KCNK13: variants seen among roughly 807,000 people sequenced by gnomAD.
The protein encoded by KCNK13 is potassium two pore domain channel subfamily K member 13, also known as potassium channel subfamily K member 13.
KCNK13 carries 12 observed loss-of-function variants against 23.4 expected under a neutral mutation model. The ratio of observed to expected loss-of-function variants is 0.51; its 90% confidence interval spans 0.33 to 0.83. The LOEUF is 0.83. Ranked by LOEUF, KCNK13 falls within the 40% of genes least tolerant of loss-of-function variation. The pLI is 0.02. For synonymous variants in KCNK13, 231 were observed against 229.5 expected, an observed-to-expected ratio of 1.01 and a Z score of -0.06; for missense variants, 463 against 556.3, an observed-to-expected ratio of 0.83 and a Z score of 1.69.
Position 90,092,912 on chromosome 14 carries a change from C to CAAAAAAAAA in KCNK13, c.334+30387_334+30395dup, listed in dbSNP as rs34122207. 2.6e-3 allele frequency among the ~76,000 whole-genome samples: 207 copies of CAAAAAAAAA among 78,290 alleles called. 7 individuals are homozygous for CAAAAAAAAA. The highest frequency in any genetic ancestry group is 8.1e-3 in the Middle Eastern group (1 of 124). 51.4% of individuals were successfully genotyped at this position (78,290 alleles called of 152,430 possible). ...GGATGACAGAGTGAGACCCTGTCTCCAAAAAAAAAAAAAAAAAAAAAAGCA... is the reference window on the plus strand; with the variant it reads ...GGATGACAGAGTGAGACCCTGTCTCCAAAAAAAAAAAAAAAAAAAAAAAAAAAAAAAGCA... On this transcript the variant is annotated intron_variant, in intron 1 of 1. Transcript: ENST00000282146.
chr14:90,101,684 G>A (rs1267576149), intron 1 of KCNK13, among the ~76,000 whole-genome samples: 8 of 149,758 alleles, frequency 5.3e-5, no homozygotes, highest in Non-Finnish European at 8.9e-5. Context: ...CAGCTACTCG[G>A]GAGGCTGAGG....
rs567736270 is a variant in KCNK13 at position 90,091,141 on chromosome 14, A to G, written c.334+28602A>G. Among the ~76,000 whole-genome samples the G allele has an allele frequency of 1.2e-4, 19 of 152,184 alleles. No individual in the cohort carries two copies. In the South Asian group the frequency reaches 3.1e-3, roughly 25 times the overall value. ...AAGTGATCTTATCACCTAGATTTTT[A>G]ATCAGAATCTCAAGAAAGAGTTAGA... On this transcript the variant is annotated intron_variant, in intron 1 of 1. Coordinates refer to ENST00000282146, the MANE Select transcript of KCNK13 (RefSeq NM_022054.4).
Position 90,062,785 on chromosome 14 carries a change from C to G in KCNK13, c.334+246C>G, listed in dbSNP as rs1290470878. ...TGCAGTCTCAGTCCCCTCTGCAGAC[C>G]TGCCGAGTCAGAATCTGCATGTTAA... On this transcript the variant is annotated intron_variant, in intron 1 of 1. Transcript: ENST00000282146. The surrounding 1 kb of genome is among the most constrained non-coding windows in gnomAD (Gnocchi z 4.5). Among the ~76,000 whole-genome samples, 1 of 152,172 alleles carries G rather than the reference C, an allele frequency of 6.6e-6. No individual in the cohort carries two copies. The highest frequency in any genetic ancestry group is 2.4e-5 in the African/African-American group (1 of 41,456).
chr14:90,077,368 G>A (rs1025400481), intron 1 of KCNK13, among the ~76,000 whole-genome samples: 23 of 152,024 alleles, frequency 1.5e-4, no homozygotes, highest in African/African-American at 4.4e-4. Flanking sequence ...TGATCCGCCC[G>A]CCTCGGCCTC....
At chr14:90,076,151 G>T (rs894832743) in intron 1 of KCNK13, among the ~76,000 whole-genome samples, 1 of 152,228 alleles carries the variant, frequency 6.6e-6, no homozygotes, top group African/African-American at 2.4e-5. Context: ...CTGTAGTACT[G>T]CTTCTTCAAA....
At chr14:90,153,104 T>A (rs1890155275) in intron 1 of KCNK13, among the ~76,000 whole-genome samples, 1 of 152,128 alleles carries the variant, frequency 6.6e-6, no homozygotes, top group African/African-American at 2.4e-5. Flanking sequence ...CTAGACCACA[T>A]GTACTGATTC....
intron 1 of KCNK13, among the ~76,000 whole-genome samples, chr14:90,096,766 G>A (rs1848616846): frequency 6.6e-6 from 1 of 152,174 alleles, no homozygotes; most frequent in Non-Finnish European, 1.5e-5. Context: ...ATTTTCTTGG[G>A]CTCTTGCCTT....
chr14:90,149,743 C>G (rs888004459), intron 1 of KCNK13, among the ~76,000 whole-genome samples: 5 of 152,094 alleles, frequency 3.3e-5, no homozygotes, highest in Admixed American at 6.6e-5. Context: ...AAGGTTTAAA[C>G]CAAGGTGCTA....
chr14:90,170,868 G>A (rs529891863), intron 1 of KCNK13, among the ~76,000 whole-genome samples: 1 of 152,298 alleles, frequency 6.6e-6, no homozygotes, highest in African/African-American at 2.4e-5. Context: ...GTAAAGATAA[G>A]CTATCAATTT....
At position 90,083,541 on chromosome 14, in the gene KCNK13, G is replaced by A. The variant is rs531912195; in HGVS notation, c.334+21002G>A. Among the ~76,000 whole-genome samples, 7 of 152,182 alleles carry A rather than the reference G, an allele frequency of 4.6e-5. No homozygotes were observed. In the South Asian group the frequency reaches 1.4e-3, roughly 32 times the overall value. On this transcript the variant is annotated intron_variant, in intron 1 of 1. Transcript: ENST00000282146. Reference sequence around the variant, plus strand: ...ATTGCCATTATAACAATATAAAGAGGTGGGACCTTTAAGAGGTGATTAGGT... The same window carrying A: ...ATTGCCATTATAACAATATAAAGAGATGGGACCTTTAAGAGGTGATTAGGT...
intron 1 of KCNK13, among the ~76,000 whole-genome samples, chr14:90,144,183 A>G (rs1375570176): frequency 6.6e-6 from 1 of 152,214 alleles, no homozygotes; most frequent in East Asian, 1.9e-4. Context: ...CGAGCCATAA[A>G]CATGGCATAT....
intron 1 of KCNK13, among the ~76,000 whole-genome samples, chr14:90,085,290 T>C (rs1325457221): frequency 6.6e-6 from 1 of 152,084 alleles, no homozygotes; most frequent in East Asian, 1.9e-4. Context: ...CCTACTTGAT[T>C]ATGGTGTATA....
intron 1 of KCNK13, among the ~76,000 whole-genome samples, chr14:90,180,824 T>A (rs547696112): frequency 9.7e-4 from 147 of 152,272 alleles, no homozygotes; most frequent in Admixed American, 4.6e-3. Context: ...AACTCCATGG[T>A]GCTTCTGTGT....
chr14:90,158,930 C>T (rs958786741), intron 1 of KCNK13, among the ~76,000 whole-genome samples: 2 of 152,226 alleles, frequency 1.3e-5, no homozygotes, highest in African/African-American at 4.8e-5. Flanking sequence ...GAAGAGGGCA[C>T]ACTTGGGAGC....
At chr14:90,154,500 A>G (rs1890172490) in intron 1 of KCNK13, among the ~76,000 whole-genome samples, 2 of 152,162 alleles carry the variant, frequency 1.3e-5, no homozygotes, top group Admixed American at 6.5e-5. Flanking sequence ...CTTACCCACA[A>G]TGCTATGCTC....
intron 1 of KCNK13, among the ~76,000 whole-genome samples, chr14:90,067,863 T>G (rs1889026761): frequency 6.6e-6 from 1 of 152,086 alleles, no homozygotes; most frequent in Non-Finnish European, 1.5e-5. Context: ...CCCCAAAGGG[T>G]TTGAGGTACT....
At chr14:90,174,124 G>A (rs891279385) in intron 1 of KCNK13, among the ~76,000 whole-genome samples, 2 of 152,090 alleles carry the variant, frequency 1.3e-5, no homozygotes, top group Non-Finnish European at 2.9e-5. Context: ...GGCTAACATG[G>A]TGAAACCCTG....
At chr14:90,107,980 T>C in intron 1 of KCNK13, 3 of 720,376 alleles carry the variant, frequency 4.2e-6, no homozygotes, top group African/African-American at 1.7e-5. Context: ...TAAAGCAGAT[T>C]GGAGTTTTGC....
At chr14:90,149,312 C>T (rs1266053378) in intron 1 of KCNK13, among the ~76,000 whole-genome samples, 1 of 152,130 alleles carries the variant, frequency 6.6e-6, no homozygotes, top group African/African-American at 2.4e-5. Context: ...GCTGAGATCA[C>T]ACCACTGCAC....
Sources: allele counts gnomAD v4.1 joint callset (sites outside exome capture counted in the v4.1 genomes callset), GRCh38; gene constraint gnomAD v4.1.1; non-coding constraint Gnocchi (gnomAD v3.1); transcripts MANE v1.5; gene names NCBI Gene and HGNC (gene_info 2026-07-23, HGNC 2026-07-21).